Variants in KCNH1 observed in about 807,000 individuals in gnomAD.
The protein encoded by KCNH1 is potassium voltage-gated channel subfamily H member 1.
In KCNH1, 27 loss-of-function variants were observed where a neutral mutation model predicts 69.2. That is an observed-to-expected ratio of 0.39 (90% CI 0.29 to 0.54). The LOEUF is 0.54. KCNH1 is among the 20% of genes least tolerant of loss of function. KCNH1 has a pLI of 0.68. For synonymous variants in KCNH1, 456 were observed against 487.7 expected (o/e 0.93, Z 0.86); for missense variants, 798 against 1,261.6 (o/e 0.63, Z 5.57).
At chr1:211,005,815 GA>G (rs1006847728) in intron 6 of KCNH1, among the ~76,000 whole-genome samples, 1 of 151,934 alleles carries the variant, frequency 6.6e-6, no homozygotes, top group Admixed American at 6.5e-5. Context: ...ACACAGTAGG[GA>G]AAAAAATATT....
intron 4 of KCNH1, among the ~76,000 whole-genome samples, chr1:211,087,353 G>A (rs1015474342): frequency 1.3e-5 from 2 of 152,122 alleles, no homozygotes; most frequent in Non-Finnish European, 2.9e-5. Context: ...GAGAAAACAA[G>A]AGGATTGACT....
At chr1:211,063,462 C>T (rs1401618733) in intron 5 of KCNH1, 1 of 152,062 alleles carries the variant, frequency 6.6e-6, no homozygotes, top group African/African-American at 2.4e-5. Flanking sequence ...ATGGTTCGGC[C>T]CGGTGCAGTG....
chr1:210,920,503 A>C (rs906055560), intron 6 of KCNH1, among the ~76,000 whole-genome samples: 1 of 152,196 alleles, frequency 6.6e-6, no homozygotes, highest in Non-Finnish European at 1.5e-5. Context: ...ATTGTGCATA[A>C]GTATGCAAAC....
intron 9 of KCNH1, among the ~76,000 whole-genome samples, chr1:210,778,299 A>G (rs950881053): frequency 6.6e-6 from 1 of 152,198 alleles, no homozygotes; most frequent in Non-Finnish European, 1.5e-5. Flanking sequence ...ATAGATAGCC[A>G]GAATACACAG....
At chr1:211,013,955 T>C (rs1213813991) in intron 6 of KCNH1, among the ~76,000 whole-genome samples, 2 of 152,218 alleles carry the variant, frequency 1.3e-5, no homozygotes, top group Admixed American at 6.5e-5. Context: ...CATCTTTTCA[T>C]TGGCACATTT....
intron 7 of KCNH1, among the ~76,000 whole-genome samples, chr1:210,884,759 A>T (rs181305961): frequency 6.6e-6 from 1 of 152,306 alleles, no homozygotes; most frequent in Non-Finnish European, 1.5e-5. Flanking sequence ...ATCTCTCCAC[A>T]AATTGCCCTG....
intron 1 of KCNH1, among the ~76,000 whole-genome samples, chr1:211,110,335 A>G (rs1258434902): frequency 6.6e-6 from 1 of 152,212 alleles, no homozygotes; most frequent in East Asian, 1.9e-4. Context: ...GAGAGCTAGT[A>G]GACAGTATTC....
chr1:211,053,983 C>T (rs1232507111), intron 5 of KCNH1, among the ~76,000 whole-genome samples: 2 of 152,006 alleles, frequency 1.3e-5, no homozygotes, highest in African/African-American at 2.4e-5. Context: ...AAAAGATAGA[C>T]ATTTGGCTGG....
At chr1:211,122,434 T>C (rs1691705816) in intron 1 of KCNH1, among the ~76,000 whole-genome samples, 1 of 152,314 alleles carries the variant, frequency 6.6e-6, no homozygotes, top group East Asian at 1.9e-4. Context: ...CTCAAGGATC[T>C]AGAACCAGAA....
chr1:210,733,947 TCTCACA>T (rs149355266), intron 10 of KCNH1, among the ~76,000 whole-genome samples: 7,992 of 142,112 alleles, frequency 0.056, 234 homozygotes, highest in Middle Eastern at 0.086. Flanking sequence ...TGTCTGTCTG[TCTCACA>T]CACACACACA....
chr1:210,826,747 G>T (rs927967422), intron 7 of KCNH1, among the ~76,000 whole-genome samples: 1 of 152,188 alleles, frequency 6.6e-6, no homozygotes, highest in African/African-American at 2.4e-5. Flanking sequence ...AAACTAAAAT[G>T]ACTTACACTC....
intron 8 of KCNH1, among the ~76,000 whole-genome samples, chr1:210,800,724 G>A (rs540038790): frequency 7.3e-5 from 11 of 151,486 alleles, no homozygotes; most frequent in South Asian, 6.3e-4. Flanking sequence ...ACCCCACCCC[G>A]GCCACCTTTC....
At chr1:210,833,609 A>C (rs1206122107) in intron 7 of KCNH1, among the ~76,000 whole-genome samples, 2 of 152,190 alleles carry the variant, frequency 1.3e-5, no homozygotes, top group African/African-American at 4.8e-5. Context: ...ATTACCATTC[A>C]GGACATAGGC....
At chr1:210,985,069 G>A (rs916800444) in intron 6 of KCNH1, among the ~76,000 whole-genome samples, 17 of 152,176 alleles carry the variant, frequency 1.1e-4, no homozygotes, top group Admixed American at 3.9e-4. Context: ...AGTTTTTTGT[G>A]TAGAGATGTT....
intron 7 of KCNH1, among the ~76,000 whole-genome samples, chr1:210,805,967 T>C (rs1163868669): frequency 6.6e-6 from 1 of 152,250 alleles, no homozygotes; most frequent in Non-Finnish European, 1.5e-5. Flanking sequence ...CCACATTTCA[T>C]TTATCCATTC....
Position 210,919,894 on chromosome 1 carries a change from T to C in KCNH1, c.1208A>G (p.Tyr403Cys). 6.2e-7 allele frequency: 1 copy of C among 1,614,182 alleles called. No homozygotes were observed. Among genetic ancestry groups the C allele is most frequent in the East Asian group, 2.2e-5 (1 of 44,882 alleles). The change falls in exon 7 of 11, where the codon TAT (tyrosine) becomes TGT (cysteine). Residue 403 changes from tyrosine (Y) to cysteine (C), a missense_variant. Physicochemically the swap from Tyr to Cys is radical, Grantham distance 194 (BLOSUM62 -2). Around this residue, in one of 4 missense-constraint regions of KCNH1, gnomAD observed 197 missense variants for 407.7 expected, o/e 0.48. Transcript: ENST00000271751. The surrounding 1 kb of genome is among the most constrained non-coding windows in gnomAD (Gnocchi z 4.2). ...CTTGGTGTCCTCGTCAAAGATCTCATAGTCCCCAATGCTGTACCAGATGCA... is the reference window on the plus strand; with the variant it reads ...CTTGGTGTCCTCGTCAAAGATCTCACAGTCCCCAATGCTGTACCAGATGCA... The part of the protein sequence containing the change: ...MACIWYSIGD[Y>C]EIFDEDTKTI...
At chr1:210,987,010 C>T (rs1413126083) in intron 6 of KCNH1, among the ~76,000 whole-genome samples, 2 of 152,066 alleles carry the variant, frequency 1.3e-5, no homozygotes, top group South Asian at 4.1e-4. Context: ...TCTAAACTTC[C>T]CTTCTCACTT....
At chr1:210,930,573 TAA>T (rs1446520684) in intron 6 of KCNH1, among the ~76,000 whole-genome samples, 3 of 152,092 alleles carry the variant, frequency 2.0e-5, no homozygotes, top group Non-Finnish European at 4.4e-5. Flanking sequence ...CCCAAAACCA[TAA>T]AGAGTCTAGA....
chr1:211,035,495 G>A lies in KCNH1; in HGVS notation c.559-16239C>T, dbSNP rs191038824. On this transcript the variant is annotated intron_variant, in intron 5 of 10. Coordinates refer to ENST00000271751, the MANE Select transcript of KCNH1 (RefSeq NM_172362.3). The stretch of plus-strand genomic sequence containing the variant: ...GATCTCCTGACCTCGTGATCCGCCC[G>A]CCTCGGCCTCCCAAAGTGCTGGGAT... Among the ~76,000 whole-genome samples, 797 of 151,478 alleles carry A rather than the reference G, an allele frequency of 5.3e-3. 7 individuals are homozygous for A. Among genetic ancestry groups the A allele is most frequent in the African/African-American group, 0.018 (756 of 41,276 alleles).
Sources: allele counts gnomAD v4.1 joint callset (sites outside exome capture counted in the v4.1 genomes callset), GRCh38; gene constraint gnomAD v4.1.1; regional missense constraint gnomAD v4.1.1; non-coding constraint Gnocchi (gnomAD v3.1); transcripts MANE v1.5; gene names NCBI Gene and HGNC (gene_info 2026-07-23, HGNC 2026-07-21).